The following FARP1 variants were observed in gnomAD, a reference collection of about 807,000 sequenced individuals.
The protein encoded by FARP1 is FERM, ARH/RhoGEF and pleckstrin domain protein 1.
In FARP1, 52 loss-of-function variants were observed where a neutral mutation model predicts 128.8. The observed-to-expected ratio is 0.40, with a 90% CI of 0.32 to 0.51. The LOEUF (loss-of-function observed/expected upper bound fraction) is 0.51, where lower values mean the gene tolerates loss of function less well. FARP1 is among the 20% of genes least tolerant of loss of function. FARP1 has a pLI of 0.45. For missense variants in FARP1, 1,333 were observed against 1,367.9 expected, an observed-to-expected ratio of 0.97 and a Z score of 0.40; for synonymous variants, 580 against 551.8, an observed-to-expected ratio of 1.05 and a Z score of -0.72.
At chr13:98,370,653 T>C (rs1449270208) in intron 5 of FARP1, among the ~76,000 whole-genome samples, 1 of 150,222 alleles carries the variant, frequency 6.7e-6, no homozygotes, top group Non-Finnish European at 1.5e-5. Flanking sequence ...GAGTGGAGAG[T>C]CAGGGTGTTT....
intron 12 of FARP1, 75 bp from the exon 13 acceptor site, chr13:98,395,152 T>C: frequency 6.7e-7 from 1 of 1,496,926 alleles, no homozygotes; most frequent in Non-Finnish European, 8.9e-7. Flanking sequence ...CTGGCTCTCC[T>C]TTTCTGTTTT....
At chr13:98,278,592 T>A (rs140909714) in intron 2 of FARP1, among the ~76,000 whole-genome samples, 11 of 152,202 alleles carry the variant, frequency 7.2e-5, no homozygotes, top group African/African-American at 2.6e-4. Context: ...TGGTTCGGAG[T>A]GTATATTGAT....
intron 2 of FARP1, among the ~76,000 whole-genome samples, chr13:98,229,729 C>T (rs545786718): frequency 6.6e-6 from 1 of 150,560 alleles, no homozygotes; most frequent in South Asian, 2.1e-4. Context: ...GCTTTGTTTC[C>T]CAAGCTTCAG....
chr13:98,237,031 C>G (rs1018023904), intron 2 of FARP1, among the ~76,000 whole-genome samples: 1 of 150,924 alleles, frequency 6.6e-6, no homozygotes, highest in Non-Finnish European at 1.5e-5. Context: ...AGGCCGGGCG[C>G]GTGTGGCTCA....
chr13:98,398,820 T>C (rs1890651752), intron 13 of FARP1: 1 of 152,200 alleles, frequency 6.6e-6, no homozygotes, highest in Admixed American at 6.5e-5. Context: ...ATTTTCTTTT[T>C]CCCTCTAATT....
At chr13:98,177,278 C>G in intron 1 of FARP1, 1 of 1,473,776 alleles carries the variant, frequency 6.8e-7, no homozygotes, top group Non-Finnish European at 9.1e-7. Flanking sequence ...GTGCGTCACC[C>G]TTGCGTCGCC....
In FARP1 at chr13:98,285,340, G is replaced by A. The variant is rs117800858; in HGVS notation, c.172-58422G>A. On this transcript the variant is annotated intron_variant, in intron 2 of 26. Coordinates refer to ENST00000319562, the MANE Select transcript of FARP1 (RefSeq NM_005766.4). Reference sequence around the variant, plus strand: ...AAAACAGATTAATGTGTGTTTTCTCGTCATGAATGCTAGCTCCTTTCCTTT... The same window carrying A: ...AAAACAGATTAATGTGTGTTTTCTCATCATGAATGCTAGCTCCTTTCCTTT... Among the ~76,000 whole-genome samples the A allele has an allele frequency of 1.2e-3, 183 of 152,186 alleles. 2 individuals carry two copies. The East Asian group carries it at 0.029, about 24-fold the overall frequency.
At chr13:98,357,937 C>T (rs910340861) in intron 3 of FARP1, among the ~76,000 whole-genome samples, 2 of 152,088 alleles carry the variant, frequency 1.3e-5, no homozygotes, top group Non-Finnish European at 2.9e-5. Context: ...GAATTATTCC[C>T]GACTACTAAA....
chr13:98,149,801 A>G (rs474164), intron 1 of FARP1, among the ~76,000 whole-genome samples: 125,741 of 140,324 alleles, frequency 0.9, 56,519 homozygotes, highest in East Asian at 0.94. Context: ...GCAGTGGCGC[A>G]ATCTTGGCTC....
At chr13:98,239,222 G>T (rs1183990715) in intron 2 of FARP1, among the ~76,000 whole-genome samples, 1 of 152,158 alleles carries the variant, frequency 6.6e-6, no homozygotes. Flanking sequence ...ACAAGTGCCG[G>T]TTTACGCAGC....
intron 2 of FARP1, among the ~76,000 whole-genome samples, chr13:98,262,595 C>T (rs567209196): frequency 2.7e-4 from 41 of 152,270 alleles, no homozygotes; most frequent in African/African-American, 9.9e-4. Context: ...TTATTCCAGG[C>T]ATATGTTAAT....
chr13:98,348,897 T>C (rs1473083542), intron 3 of FARP1, among the ~76,000 whole-genome samples: 1 of 152,130 alleles, frequency 6.6e-6, no homozygotes, highest in Non-Finnish European at 1.5e-5. Context: ...AGTGAGCAAA[T>C]CCAGAGAAGT....
intron 1 of FARP1, among the ~76,000 whole-genome samples, chr13:98,159,293 C>A (rs760569293): frequency 6.6e-6 from 1 of 152,110 alleles, no homozygotes. Flanking sequence ...TTAGACTATA[C>A]GGTATTATGC....
chr13:98,261,312 A>C (rs1436131182), intron 2 of FARP1, among the ~76,000 whole-genome samples: 1 of 150,980 alleles, frequency 6.6e-6, no homozygotes, highest in Non-Finnish European at 1.5e-5. Flanking sequence ...GACTACAGCA[A>C]CTGGGGGATT....
intron 2 of FARP1, among the ~76,000 whole-genome samples, chr13:98,341,646 A>AC (rs1555339000): frequency 6.6e-6 from 1 of 152,146 alleles, no homozygotes; most frequent in East Asian, 1.9e-4. Context: ...AAACAAAAAC[A>AC]AACAACAACA....
rs1447413795 is a variant in FARP1, at chr13:98,143,456, G to C, written c.-60G>C. 2 of 150,488 alleles carry C rather than the reference G, an allele frequency of 1.3e-5. No homozygotes were observed. The highest frequency in any genetic ancestry group is 3.0e-5 in the Non-Finnish European group (2 of 67,242). 9.3% of individuals were successfully genotyped at this position (150,488 alleles called of 1,614,324 possible). A position where few individuals can be genotyped will look rare whatever the true frequency, so the allele number is the denominator to read the frequency against. On this transcript the variant is annotated 5_prime_UTR_variant, in exon 1 of 27. Transcript: ENST00000319562. ...AGCCGCCGATCCCGGAGCCCGAGCC[G>C]GGAGAGGGAGCCGCCGCAGCCGCCG...
At chr13:98,433,810 GCT>G (rs1400121496) in intron 18 of FARP1, 1 of 152,442 alleles carries the variant, frequency 6.6e-6, no homozygotes, top group African/African-American at 2.4e-5. Context: ...TTCCTGGCCA[GCT>G]CTCTCTCGTC....
Position 98,384,730 on chromosome 13 carries a change from C to T in FARP1, c.497C>T (p.Ser166Phe). The T allele has an allele frequency of 6.3e-7, 1 of 1,595,406 alleles. No individual in the cohort carries two copies. The highest frequency in any genetic ancestry group is 8.6e-7 in the Non-Finnish European group (1 of 1,163,196). ...AALLISHIVQSEIGDFDEALD... is the reference protein window; with the variant it reads ...AALLISHIVQFEIGDFDEALD... ...TGTTTTTCTTTCTGTTTCTTTTTAG[C>T]TGAGATTGGGGATTTTGATGAAGCC... is the stretch of plus-strand genomic sequence containing the variant. The change falls in exon 7 of 27, where the codon TCT becomes TTT. Residue 166 changes from serine (S) to phenylalanine (F), a missense_variant and splice_region_variant. Physicochemically the swap from Ser to Phe is radical, Grantham distance 155. Coordinates refer to ENST00000319562, the MANE Select transcript of FARP1 (RefSeq NM_005766.4).
intron 2 of FARP1, among the ~76,000 whole-genome samples, chr13:98,219,887 T>C (rs560620490): frequency 6.6e-6 from 1 of 152,158 alleles, no homozygotes; most frequent in South Asian, 2.1e-4. Flanking sequence ...CAGGCTGGTC[T>C]CAAACTCCTG....
Sources: gnomAD v4.1 joint callset for allele counts (sites outside exome capture counted in the v4.1 genomes callset) on GRCh38, gnomAD v4.1.1 for gene constraint, MANE v1.5 for transcripts, NCBI Gene and HGNC (gene_info 2026-07-23, HGNC 2026-07-21) for gene names.